Variants in UACA observed in about 807,000 individuals in gnomAD.
UACA encodes the protein nuclear membrane binding protein.
Under a neutral mutation model 160.5 loss-of-function variants are expected in UACA, and 112 were observed. That is an observed-to-expected ratio of 0.70 (90% CI 0.60 to 0.82). UACA has a LOEUF of 0.82. Among genes scored for constraint, UACA ranks in the 40% least tolerant of loss-of-function variants. The pLI, the probability that UACA is intolerant of heterozygous loss-of-function variation, is 0.00. For missense variants in UACA, 1,574 were observed against 1,614.6 expected (o/e 0.97, Z 0.43); for synonymous variants, 557 against 568.4 (o/e 0.98, Z 0.29).
chr15:70,656,138 G>A lies in UACA; in HGVS notation c.*918C>T, dbSNP rs1237790718. On this transcript the variant is annotated 3_prime_UTR_variant, in exon 19 of 19. Transcript: ENST00000322954. The stretch of plus-strand genomic sequence containing the variant: ...TCAATTCTCTAATGCTAATTTTGCA[G>A]GAAAACTGTATTTCACATTATTAAT... 1 of 152,026 alleles carries A rather than the reference G, an allele frequency of 6.6e-6. No individual in the cohort carries two copies. The highest frequency in any genetic ancestry group is 1.9e-4 in the East Asian group (1 of 5,200). The allele number at this position is 152,026 out of a possible 1,614,324, so 9.4% of individuals were successfully genotyped here. A position where few individuals can be genotyped will look rare whatever the true frequency, so the allele number is the denominator to read the frequency against.
intron 5 of UACA, among the ~76,000 whole-genome samples, chr15:70,688,429 C>T (rs1897807771): frequency 6.6e-6 from 1 of 151,962 alleles, no homozygotes; most frequent in Non-Finnish European, 1.5e-5. Context: ...ATTTTTTAAG[C>T]CTTATGAGTT....
Position 70,668,104 on chromosome 15 carries a change from C to T in UACA, c.2580G>A (p.Val860=), listed in dbSNP as rs765110929. ...TAACCTCTTCATGGGTTTTAACTGG[C>T]ACATACTGATTACTCATCATCTTCT... is the stretch of plus-strand genomic sequence containing the variant. ...NLKKMMSNQY[V]PVKTHEEVKM... is the part of the protein sequence containing the mutation. The change falls in exon 16 of 19, where the codon GTG becomes GTA. Residue 860 remains valine (V), a synonymous_variant. Coordinates refer to ENST00000322954, the MANE Select transcript of UACA (RefSeq NM_018003.4). 4.3e-6 allele frequency: 7 copies of T among 1,613,656 alleles called. No homozygotes were observed. The highest frequency in any genetic ancestry group is 5.9e-6 in the Non-Finnish European group (7 of 1,179,948).
chr15:70,673,849 T>C (rs1326347984), intron 13 of UACA, among the ~76,000 whole-genome samples: 1 of 152,016 alleles, frequency 6.6e-6, no homozygotes, highest in African/African-American at 2.4e-5. Flanking sequence ...GAATTCTTAG[T>C]AGTTTGTTGG....
intron 16 of UACA, 76 bp from the exon 17 acceptor site, chr15:70,664,890 C>T: frequency 7.4e-7 from 1 of 1,349,588 alleles, no homozygotes; most frequent in Non-Finnish European, 9.9e-7. Context: ...AGAAATCATT[C>T]CTTTTTGGAG....
At chr15:70,691,100 C>T (rs1007283647) in intron 4 of UACA, among the ~76,000 whole-genome samples, 199 bp downstream of exon 4, 1 of 152,164 alleles carries the variant, frequency 6.6e-6, no homozygotes, top group Non-Finnish European at 1.5e-5. Flanking sequence ...TTTTAATACA[C>T]TGAGTTATGC....
At chr15:70,745,736 A>G (rs1458690348) in intron 1 of UACA, among the ~76,000 whole-genome samples, 6 of 152,214 alleles carry the variant, frequency 3.9e-5, no homozygotes, top group Non-Finnish European at 7.3e-5. Flanking sequence ...AGTAACCAAA[A>G]TAGCACGGTA....
intron 1 of UACA, among the ~76,000 whole-genome samples, chr15:70,759,153 T>TTTAGATATTGCAA (rs1389264096): frequency 6.6e-6 from 1 of 152,196 alleles, no homozygotes; most frequent in East Asian, 1.9e-4. Context: ...AATGTCTGCT[T>TTTAGATATTGCAA]ACAATATCTG....
intron 5 of UACA, 106 bp downstream of exon 5, chr15:70,690,348 G>T: frequency 2.0e-6 from 2 of 1,016,230 alleles, no homozygotes; most frequent in Non-Finnish European, 1.5e-6. Flanking sequence ...AATATTCTTT[G>T]TTTCTCCATG....
intron 13 of UACA, among the ~76,000 whole-genome samples, chr15:70,672,681 A>G (rs1897176803): frequency 6.6e-6 from 1 of 152,220 alleles, no homozygotes; most frequent in Admixed American, 6.5e-5. Flanking sequence ...AGAATAGGCC[A>G]GGCACAGTGG....
chr15:70,685,321 G>A (rs1379992944), intron 7 of UACA, among the ~76,000 whole-genome samples: 1 of 152,080 alleles, frequency 6.6e-6, no homozygotes. Flanking sequence ...TTAGGATGGG[G>A]CTAACCAACA....
At position 70,679,680 on chromosome 15, in the gene UACA, T is replaced by C; in HGVS notation, c.823-4A>G. On this transcript the variant is annotated splice_region_variant and splice_polypyrimidine_tract_variant and intron_variant, in intron 9 of 18. Coordinates refer to ENST00000322954, the MANE Select transcript of UACA (RefSeq NM_018003.4). ...CTTGCATGTGTGTCAAATTTCGCTT[T>C]GGTAAAACATAAGAAAACACGGGTC... 6.3e-7 allele frequency: 1 copy of C among 1,582,222 alleles called. No individual in the cohort carries two copies. The highest frequency in any genetic ancestry group is 8.6e-7 in the Non-Finnish European group (1 of 1,163,446).
chr15:70,694,180 ACAGTCC>A (rs1160694311), intron 3 of UACA, among the ~76,000 whole-genome samples: 3 of 152,180 alleles, frequency 2.0e-5, no homozygotes, highest in Non-Finnish European at 1.5e-5. Context: ...TAAGCTGTCA[ACAGTCC>A]CAGAGAAGTG....
chr15:70,743,855 C>T (rs187793557), intron 1 of UACA, among the ~76,000 whole-genome samples: 2 of 152,250 alleles, frequency 1.3e-5, no homozygotes, highest in Admixed American at 1.3e-4. Flanking sequence ...CACTACAAAA[C>T]TCCAGTTTCA....
At chr15:70,720,376 T>G (rs1898953990) in intron 1 of UACA, among the ~76,000 whole-genome samples, 1 of 152,198 alleles carries the variant, frequency 6.6e-6, no homozygotes, top group South Asian at 2.1e-4. Context: ...TGTATGATCA[T>G]GACTAACTGC....
chr15:70,775,008 G>A, the UACA span, among the ~76,000 whole-genome samples: 4 of 151,856 alleles, frequency 2.6e-5, no homozygotes, highest in Admixed American at 6.6e-5. Context: ...GCAGTGAGCC[G>A]AGATCACGCT....
At chr15:70,712,717 G>A (rs1898720030) in intron 1 of UACA, among the ~76,000 whole-genome samples, 1 of 152,130 alleles carries the variant, frequency 6.6e-6, no homozygotes, top group African/African-American at 2.4e-5. Context: ...CTGCTATAAG[G>A]CAAATGTAAT....
Position 70,762,431 on chromosome 15 carries a change from C to A in UACA, c.78+899G>T, listed in dbSNP as rs547196391. On this transcript the variant is annotated intron_variant, in intron 1 of 18. Coordinates refer to ENST00000322954, the MANE Select transcript of UACA (RefSeq NM_018003.4). ...GACTCTTCCAAGACTTTGTAAGTGG[C>A]ACTTATTTTAATGATATAGAATTTT... Among the ~76,000 whole-genome samples the A allele has an allele frequency of 5.3e-5, 8 of 152,312 alleles. 1 individual carries two copies. In the South Asian group the frequency reaches 1.7e-3, roughly 32 times the overall value.
chr15:70,665,720 C>T (rs898418953), intron 16 of UACA, among the ~76,000 whole-genome samples: 25 of 151,994 alleles, frequency 1.6e-4, no homozygotes, highest in Admixed American at 6.6e-4. Context: ...TTCATAGGTA[C>T]CTTCTGAACA....
Position 70,668,576 on chromosome 15 carries a change from T to C in UACA, c.2108A>G (p.Lys703Arg). Residue 703 changes from lysine to arginine, a missense_variant, in exon 16 of 19, where the codon AAG (lysine) becomes AGG (arginine). Physicochemically the swap from Lys to Arg is conservative, Grantham distance 26. Transcript: ENST00000322954. ...RLEQKSGELGKKITELTLKNQ... is the reference protein window; with the variant it reads ...RLEQKSGELGRKITELTLKNQ... ...TTTCAATGTTAACTCAGTGATCTTCTTCCCAAGTTCTCCTGATTTCTGTTC... is the reference window on the plus strand; with the variant it reads ...TTTCAATGTTAACTCAGTGATCTTCCTCCCAAGTTCTCCTGATTTCTGTTC... 1 of 1,612,996 alleles carries C rather than the reference T, an allele frequency of 6.2e-7. No individual in the cohort carries two copies. Among genetic ancestry groups the C allele is most frequent in the Non-Finnish European group, 8.5e-7 (1 of 1,179,872 alleles).
Sources: gnomAD v4.1 joint callset for allele counts (sites outside exome capture counted in the v4.1 genomes callset) on GRCh38, gnomAD v4.1.1 for gene constraint, MANE v1.5 for transcripts, NCBI Gene and HGNC (gene_info 2026-07-23, HGNC 2026-07-21) for gene names.